XKR4: variants seen among roughly 807,000 people sequenced by gnomAD.
The protein encoded by XKR4 is XK related 4.
A neutral mutation model predicts 53.9 loss-of-function variants in XKR4; 12 were observed. The ratio of observed to expected loss-of-function variants is 0.22; its 90% CI spans 0.14 to 0.36. The LOEUF (loss-of-function observed/expected upper bound fraction) is 0.36, where lower values mean the gene tolerates loss of function less well. Ranked by LOEUF, XKR4 falls within the 10% of genes least tolerant of loss-of-function variation. XKR4 has a pLI of 1.00. For synonymous variants in XKR4, 354 were observed against 362.4 expected (o/e 0.98, Z 0.26); for missense variants, 799 against 859.5 (o/e 0.93, Z 0.88).
chr8:55,279,435 T>C (rs1039458317), intron 1 of XKR4, among the ~76,000 whole-genome samples: 1 of 152,244 alleles, frequency 6.6e-6, no homozygotes, highest in Non-Finnish European at 1.5e-5. Context: ...GCACTTGCAT[T>C]GCTCCAACTG....
chr8:55,257,470 G>C (rs1818453372), intron 1 of XKR4, among the ~76,000 whole-genome samples: 5 of 151,946 alleles, frequency 3.3e-5, no homozygotes, highest in Admixed American at 3.3e-4. Context: ...GAGAGAAAGA[G>C]AGAGAAAGGG....
At chr8:55,328,616 G>A (rs796617651) in intron 1 of XKR4, among the ~76,000 whole-genome samples, 2 of 152,166 alleles carry the variant, frequency 1.3e-5, no homozygotes, top group South Asian at 4.1e-4. Flanking sequence ...CAATTAGATG[G>A]GTTCACATTG....
At chr8:55,484,536 A>T (rs1806163922) in intron 2 of XKR4, among the ~76,000 whole-genome samples, 1 of 152,230 alleles carries the variant, frequency 6.6e-6, no homozygotes, top group Admixed American at 6.5e-5. Context: ...CAATCAATGT[A>T]ATCCACCTGA....
At chr8:55,373,309 G>C (rs1804099570) in intron 2 of XKR4, among the ~76,000 whole-genome samples, 1 of 152,098 alleles carries the variant, frequency 6.6e-6, no homozygotes, top group South Asian at 2.1e-4. Context: ...TGGGATTACA[G>C]GCATGCACCA....
chr8:55,258,167 C>T (rs375600246), intron 1 of XKR4, among the ~76,000 whole-genome samples: 4 of 152,202 alleles, frequency 2.6e-5, no homozygotes, highest in African/African-American at 9.7e-5. Context: ...TATTACTTGG[C>T]ACAAGGAAGG....
chr8:55,472,516 T>C (rs1046392509), intron 2 of XKR4, among the ~76,000 whole-genome samples: 2 of 151,854 alleles, frequency 1.3e-5, no homozygotes, highest in South Asian at 4.2e-4. Flanking sequence ...CGAGACCAGG[T>C]CTAAGGGCTG....
At chr8:55,503,338 T>G (rs1308528140) in intron 2 of XKR4, among the ~76,000 whole-genome samples, 1 of 152,188 alleles carries the variant, frequency 6.6e-6, no homozygotes, top group African/African-American at 2.4e-5. Flanking sequence ...TTTCCACTTA[T>G]TTATGGCTTC....
At chr8:55,307,644 C>T (rs1169764280) in intron 1 of XKR4, among the ~76,000 whole-genome samples, 3 of 151,888 alleles carry the variant, frequency 2.0e-5, no homozygotes, top group African/African-American at 7.3e-5. Flanking sequence ...ACAATGAGGC[C>T]TTGTCTCCAA....
In XKR4 at chr8:55,343,366, C is replaced by T. The variant is rs115670913; in HGVS notation, c.807-14312C>T. ...ATGAGCTGCTCTGTGCTATATTCCA[C>T]GGAAGCCATTTCCAGAAACATTCCC... On this transcript the variant is annotated intron_variant, in intron 1 of 2. Coordinates refer to ENST00000327381, the MANE Select transcript of XKR4 (RefSeq NM_052898.2). Among the ~76,000 whole-genome samples the T allele has an allele frequency of 8.7e-3, 1,324 of 152,228 alleles. 24 individuals are homozygous for T. Among genetic ancestry groups the T allele is most frequent in the African/African-American group, 0.029 (1,223 of 41,534 alleles).
At chr8:55,496,349 G>T (rs1806348616) in intron 2 of XKR4, among the ~76,000 whole-genome samples, 1 of 151,988 alleles carries the variant, frequency 6.6e-6, no homozygotes, top group South Asian at 2.1e-4. Flanking sequence ...TTAAATAGCA[G>T]TCTAAAAGAA....
At chr8:55,166,187 T>C (rs1295507177) in intron 1 of XKR4, among the ~76,000 whole-genome samples, 1 of 152,158 alleles carries the variant, frequency 6.6e-6, no homozygotes, top group Non-Finnish European at 1.5e-5. Context: ...CAATAAAAAA[T>C]TGCTCAATTC....
At chr8:55,192,790 A>G (rs1047527337) in intron 1 of XKR4, among the ~76,000 whole-genome samples, 1 of 152,226 alleles carries the variant, frequency 6.6e-6, no homozygotes, top group Non-Finnish European at 1.5e-5. Flanking sequence ...ACTTGTATGT[A>G]GGAAGCTCCA....
chr8:55,141,947 A>G (rs1698931277), intron 1 of XKR4, among the ~76,000 whole-genome samples: 1 of 152,126 alleles, frequency 6.6e-6, no homozygotes, highest in Non-Finnish European at 1.5e-5. Context: ...TGCAGGGTTC[A>G]GAGCAGACCC....
At chr8:55,208,607 C>G (rs942294843) in intron 1 of XKR4, among the ~76,000 whole-genome samples, 15 of 152,012 alleles carry the variant, frequency 9.9e-5, no homozygotes, top group Admixed American at 1.3e-4. Context: ...GCTAGGAGTA[C>G]AGGCGCCCAC....
At chr8:55,452,827 G>C (rs1805475510) in intron 2 of XKR4, 1 of 770,206 alleles carries the variant, frequency 1.3e-6, no homozygotes, top group Admixed American at 1.7e-5. Context: ...GTGCTCTCCA[G>C]GTCACCCAGC....
At chr8:55,213,867 T>C (rs1179475879) in intron 1 of XKR4, among the ~76,000 whole-genome samples, 2 of 134,580 alleles carry the variant, frequency 1.5e-5, no homozygotes, top group African/African-American at 2.8e-5. Context: ...TTTTTTTTTT[T>C]TTTTTTTTTT....
intron 1 of XKR4, among the ~76,000 whole-genome samples, chr8:55,346,903 T>C (rs1171683492): frequency 6.6e-6 from 1 of 152,178 alleles, no homozygotes; most frequent in African/African-American, 2.4e-5. Context: ...CAAAATAAAA[T>C]TCAATATTAG....
At chr8:55,334,473 G>A (rs990421200) in intron 1 of XKR4, among the ~76,000 whole-genome samples, 1 of 152,036 alleles carries the variant, frequency 6.6e-6, no homozygotes, top group African/African-American at 2.4e-5. Flanking sequence ...TTTTATCCCT[G>A]GTCTACTGTT....
chr8:55,495,705 T>G (rs1806335677), intron 2 of XKR4, among the ~76,000 whole-genome samples: 1 of 151,916 alleles, frequency 6.6e-6, no homozygotes, highest in African/African-American at 2.4e-5. Context: ...GGCAAGGGAG[T>G]GGGTCCCACC....
Sources: allele counts gnomAD v4.1 joint callset (sites outside exome capture counted in the v4.1 genomes callset), GRCh38; gene constraint gnomAD v4.1.1; transcripts MANE v1.5; gene names NCBI Gene and HGNC (gene_info 2026-07-23, HGNC 2026-07-21).